Variants in NXPE2 observed in about 807,000 individuals in gnomAD.
The protein encoded by NXPE2 is neurexophilin and PC-esterase domain family member 2.
NXPE2 carries 34 observed loss-of-function variants against 34.4 expected under a neutral mutation model. The observed-to-expected ratio is 0.99, with a 90% confidence interval of 0.75 to 1.31. The LOEUF is 1.31. Among genes scored for constraint, NXPE2 ranks in the 40% most tolerant of loss-of-function variants. The pLI, the probability that NXPE2 is intolerant of heterozygous loss-of-function variation, is 0.00. For missense variants in NXPE2, 649 were observed against 672.5 expected (o/e 0.97, Z 0.39); for synonymous variants, 235 against 231.3 (o/e 1.02, Z -0.15).
chr11:114,573,282 T>C, the NXPE2 span, among the ~76,000 whole-genome samples: 1 of 151,960 alleles, frequency 6.6e-6, no homozygotes, highest in African/African-American at 2.4e-5. Context: ...AGGACCTACA[T>C]GAAATAATGC....
the NXPE2 span, among the ~76,000 whole-genome samples, chr11:114,754,580 G>A: frequency 1.3e-5 from 2 of 152,156 alleles, no homozygotes; most frequent in Non-Finnish European, 2.9e-5. Context: ...GGAGCACAGT[G>A]GACACCAGAG....
the NXPE2 span, among the ~76,000 whole-genome samples, chr11:114,485,383 C>CTCT: frequency 1.1e-5 from 1 of 89,220 alleles, no homozygotes; most frequent in Non-Finnish European, 2.0e-5. Flanking sequence ...TAATTTTTGT[C>CTCT]TTTTTTTTTT....
the NXPE2 span, among the ~76,000 whole-genome samples, chr11:114,648,305 T>C: frequency 6.6e-6 from 1 of 152,052 alleles, no homozygotes; most frequent in Non-Finnish European, 1.5e-5. Context: ...CAAAAGCTGG[T>C]AGGTTGAAGG....
At chr11:114,665,555 A>C in the NXPE2 span, among the ~76,000 whole-genome samples, 1 of 152,204 alleles carries the variant, frequency 6.6e-6, no homozygotes, top group African/African-American at 2.4e-5. Flanking sequence ...AAATATTTCA[A>C]CAACTTCTCT....
At chr11:114,557,880 A>G in the NXPE2 span, among the ~76,000 whole-genome samples, 1 of 151,870 alleles carries the variant, frequency 6.6e-6, no homozygotes, top group Non-Finnish European at 1.5e-5. Context: ...TTTGCGGGCT[A>G]TACAATTCTA....
At chr11:114,473,712 A>G in the NXPE2 span, among the ~76,000 whole-genome samples, 1 of 152,244 alleles carries the variant, frequency 6.6e-6, no homozygotes, top group African/African-American at 2.4e-5. Context: ...CATTCTTGAA[A>G]TTAGACCTCA....
At position 114,698,076 on chromosome 11, in the gene NXPE2, T is replaced by C. The variant is rs556640570; in HGVS notation, c.164T>C (p.Leu55Pro). The C allele has an allele frequency of 1.3e-6, 2 of 1,582,094 alleles. No individual in the cohort carries two copies. Among genetic ancestry groups the C allele is most frequent in the East Asian group, 2.3e-5 (1 of 43,876 alleles). ...FSFNLENHII[L>P]NQGNIFKKYS... ...TTCAACTTGGAAAACCATATTATCC[T>C]GAACCAAGGGAACATCTTCAAAAAA... The change falls in exon 3 of 6, where the codon CTG becomes CCG. Residue 55 changes from leucine (L) to proline (P), a missense_variant. Leu to Pro is a moderately conservative substitution (Grantham distance 98). Coordinates refer to ENST00000389586, the MANE Select transcript of NXPE2 (RefSeq NM_182495.6).
At chr11:114,758,845 A>G in the NXPE2 span, among the ~76,000 whole-genome samples, 1 of 148,542 alleles carries the variant, frequency 6.7e-6, no homozygotes, top group African/African-American at 2.4e-5. Flanking sequence ...TTCTATATAC[A>G]TAAATATATA....
the NXPE2 span, among the ~76,000 whole-genome samples, chr11:114,524,131 T>C: frequency 6.6e-6 from 1 of 152,170 alleles, no homozygotes; most frequent in Non-Finnish European, 1.5e-5. Context: ...GTTCGGCTAG[T>C]AGTAAGGGAA....
chr11:114,497,097 A>G, the NXPE2 span, among the ~76,000 whole-genome samples: 2 of 152,076 alleles, frequency 1.3e-5, no homozygotes, highest in Non-Finnish European at 2.9e-5. Flanking sequence ...GGGCGTTGTT[A>G]TTATAGGAGA....
At chr11:114,600,666 T>A in the NXPE2 span, among the ~76,000 whole-genome samples, 1 of 152,114 alleles carries the variant, frequency 6.6e-6, no homozygotes, top group African/African-American at 2.4e-5. Flanking sequence ...GATCCTGGAT[T>A]GGGTCCTGAA....
chr11:114,522,493 A>C, the NXPE2 span: 2 of 1,597,494 alleles, frequency 1.3e-6, no homozygotes, highest in Non-Finnish European at 1.7e-6. Flanking sequence ...GAAGATCAAA[A>C]AACTTCAGTG....
chr11:114,725,992 T>TATATATATATATAA, the NXPE2 span, among the ~76,000 whole-genome samples: 3 of 140,026 alleles, frequency 2.1e-5, no homozygotes, highest in Admixed American at 7.3e-5. Context: ...TATATATATA[T>TATATATATATATAA]AAAAAGAAAA....
At chr11:114,553,847 C>G in the NXPE2 span, 3 of 958,084 alleles carry the variant, frequency 3.1e-6, no homozygotes, top group East Asian at 3.5e-4. Context: ...TCAGTGACAT[C>G]ATCTTGGTAG....
At chr11:114,780,400 T>C in the NXPE2 span, among the ~76,000 whole-genome samples, 1 of 152,030 alleles carries the variant, frequency 6.6e-6, no homozygotes, top group African/African-American at 2.4e-5. Flanking sequence ...CTGCAGGAAA[T>C]GGGTGCTGAT....
the NXPE2 span, among the ~76,000 whole-genome samples, chr11:114,801,601 A>C: frequency 1.1e-4 from 17 of 152,228 alleles, no homozygotes; most frequent in South Asian, 1.4e-3. Flanking sequence ...AATATGTTAT[A>C]GGTTGTCAAG....
chr11:114,582,842 G>T, the NXPE2 span: 1 of 1,614,200 alleles, frequency 6.2e-7, no homozygotes, highest in Non-Finnish European at 8.5e-7. Flanking sequence ...TGGTGGTGGT[G>T]TTCACGTGGG....
At chr11:114,807,716 G>GACTT in the NXPE2 span, among the ~76,000 whole-genome samples, 1 of 151,668 alleles carries the variant, frequency 6.6e-6, no homozygotes, top group Non-Finnish European at 1.5e-5. Context: ...CCTACAAAGA[G>GACTT]ACTTAGACTC....
the NXPE2 span, among the ~76,000 whole-genome samples, chr11:114,657,658 T>C: frequency 8.5e-5 from 13 of 152,310 alleles, no homozygotes; most frequent in Non-Finnish European, 1.8e-4. Flanking sequence ...GTTTTCTTTA[T>C]AATTTTTATA....
Sources: gnomAD v4.1 joint callset for allele counts (sites outside exome capture counted in the v4.1 genomes callset) on GRCh38, gnomAD v4.1.1 for gene constraint, MANE v1.5 for transcripts, NCBI Gene and HGNC (gene_info 2026-07-23, HGNC 2026-07-21) for gene names.